SMARCA2: variants seen among roughly 807,000 people sequenced by gnomAD.
The protein encoded by SMARCA2 is SWI/SNF related BAF chromatin remodeling complex subunit ATPase 2.
In SMARCA2, 61 loss-of-function variants were observed where a neutral mutation model predicts 199.8. The ratio of observed to expected loss-of-function variants is 0.31; its 90% CI spans 0.25 to 0.38. The LOEUF (loss-of-function observed/expected upper bound fraction) is 0.38. SMARCA2 is among the 10% of genes least tolerant of loss of function. The pLI, the probability that SMARCA2 is intolerant of heterozygous loss-of-function variation, is 1.00. For missense variants in SMARCA2, 1,344 were observed against 2,012.2 expected (o/e 0.67, Z 6.35); for synonymous variants, 935 against 732.0 (o/e 1.28, Z -4.48).
chr9:2,111,635 G>A (rs1384265802), intron 24 of SMARCA2, among the ~76,000 whole-genome samples: 2 of 152,132 alleles, frequency 1.3e-5, no homozygotes, highest in Non-Finnish European at 2.9e-5. Context: ...TGCGAAGACT[G>A]AGTGGCAGTG....
In SMARCA2 at chr9:2,186,055, C is replaced by G. The variant is rs199499698; in HGVS notation, c.4462-41C>G. ...AAGGAAGAGTTCACTGCCATGGTAA[C>G]TCAGCTTGCAGTTTTAACAGATGCC... On this transcript the variant is annotated intron_variant, in intron 31 of 33. Transcript: ENST00000349721. The G allele has an allele frequency of 5.6e-6, 9 of 1,599,888 alleles. No individual in the cohort carries two copies. The East Asian group carries it at 1.3e-4, about 24-fold the overall frequency.
chr9:2,149,782 G>T (rs922799220), intron 27 of SMARCA2, among the ~76,000 whole-genome samples: 1 of 151,480 alleles, frequency 6.6e-6, no homozygotes, highest in African/African-American at 2.4e-5. Flanking sequence ...AAGTTTATTG[G>T]ATAGCAAATT....
intron 9 of SMARCA2, among the ~76,000 whole-genome samples, chr9:2,065,596 G>T (rs1820804595): frequency 6.6e-6 from 1 of 152,174 alleles, no homozygotes; most frequent in African/African-American, 2.4e-5. Flanking sequence ...CAGAATGTCA[G>T]AATAGCCTGC....
rs187888767 is a variant in SMARCA2, at chr9:2,127,741, C to T, written c.3981+3804C>T. Among the ~76,000 whole-genome samples the T allele has an allele frequency of 2.5e-3, 380 of 152,318 alleles. 2 individuals carry two copies. The highest frequency in any genetic ancestry group is 5.2e-3 in the Admixed American group (79 of 15,304). On this transcript the variant is annotated intron_variant, in intron 27 of 33. Coordinates refer to ENST00000349721, the MANE Select transcript of SMARCA2 (RefSeq NM_003070.5). ...AAAATTTTGGTGAATATTTAGCCAT[C>T]CCTGCCTCAGCACACTTAGGTTAAA...
Position 2,104,006 on chromosome 9 carries a change from T to A in SMARCA2, c.3129T>A (p.Ala1043=). The change falls in exon 23 of 34, where the codon GCT becomes GCA. Residue 1043 remains alanine (A), a synonymous_variant. Coordinates refer to ENST00000349721, the MANE Select transcript of SMARCA2 (RefSeq NM_003070.5). This position sits in a 1 kb window ranked among gnomAD's most constrained non-coding sequence, Gnocchi z 4.0. The stretch of plus-strand genomic sequence containing the variant: ...TTTTGCATTTTTTTGGGTTCAGGGC[T>A]GAACTGTATCGGGCCTCAGGGAAGT... The part of the protein sequence containing the change: ...LGYSNGVING[A]ELYRASGKFE... The A allele has an allele frequency of 6.2e-7, 1 of 1,614,022 alleles. No individual in the cohort carries two copies. Among genetic ancestry groups the A allele is most frequent in the Non-Finnish European group, 8.5e-7 (1 of 1,179,924 alleles).
In SMARCA2 at chr9:2,170,483, G is replaced by C; in HGVS notation, c.4253+11G>C. The C allele has an allele frequency of 1.2e-6, 2 of 1,614,054 alleles. No homozygotes were observed. The highest frequency in any genetic ancestry group is 1.7e-6 in the Non-Finnish European group (2 of 1,179,958). On this transcript the variant is annotated intron_variant, in intron 29 of 33. Transcript: ENST00000349721. The surrounding 1 kb of genome is among the most constrained non-coding windows in gnomAD (Gnocchi z 4.7). Reference sequence around the variant, plus strand: ...AATAGAAGGAAACAGGTCAGGATCTGTCTTGTATTCCCCTATCTCTAAATA... The same window carrying C: ...AATAGAAGGAAACAGGTCAGGATCTCTCTTGTATTCCCCTATCTCTAAATA...
At chr9:2,175,539 C>T (rs1046653879) in intron 29 of SMARCA2, among the ~76,000 whole-genome samples, 1 of 152,124 alleles carries the variant, frequency 6.6e-6, no homozygotes, top group East Asian at 1.9e-4. Context: ...GTTGGTAAAA[C>T]GTGCTGCTTA....
At chr9:2,178,850 C>T (rs1563832570) in intron 29 of SMARCA2, among the ~76,000 whole-genome samples, 1 of 152,096 alleles carries the variant, frequency 6.6e-6, no homozygotes, top group Non-Finnish European at 1.5e-5. Flanking sequence ...CTTTGTCTGC[C>T]GAAGCTGGCC....
intron 27 of SMARCA2, among the ~76,000 whole-genome samples, chr9:2,131,716 C>G (rs1823962262): frequency 6.6e-6 from 1 of 152,108 alleles, no homozygotes; most frequent in East Asian, 1.9e-4. Context: ...TGCGGTGGCT[C>G]ACGCCTGTAA....
intron 29 of SMARCA2, among the ~76,000 whole-genome samples, chr9:2,179,334 A>G (rs976549919): frequency 6.6e-6 from 1 of 152,236 alleles, no homozygotes; most frequent in Non-Finnish European, 1.5e-5. Context: ...GAAGTCTTCC[A>G]TAGATAACTT....
intron 19 of SMARCA2, 35 bp from the exon 20 acceptor site, chr9:2,096,622 C>G: frequency 7.1e-7 from 1 of 1,401,150 alleles, no homozygotes. Flanking sequence ...CTTCTCCTTC[C>G]TGCTCTTGCC....
rs1048715705 is a variant in SMARCA2, at chr9:2,056,500, A to C, written c.1174-172A>C. Among the ~76,000 whole-genome samples, 28 of 152,328 alleles carry C rather than the reference A, an allele frequency of 1.8e-4. No homozygotes were observed. The highest frequency in any genetic ancestry group is 6.5e-4 in the African/African-American group (27 of 41,564). On this transcript the variant is annotated intron_variant, in intron 6 of 33. Coordinates refer to ENST00000349721, the MANE Select transcript of SMARCA2 (RefSeq NM_003070.5). This position sits in a 1 kb window ranked among gnomAD's most constrained non-coding sequence, Gnocchi z 4.0. Reference sequence around the variant, plus strand: ...CTTGTACCGTTCTTGAAAATATTGCATACATTTGGCATGATTTTAGTTCCT... The same window carrying C: ...CTTGTACCGTTCTTGAAAATATTGCCTACATTTGGCATGATTTTAGTTCCT...
chr9:2,022,586 G>A (rs1294497407), intron 1 of SMARCA2, among the ~76,000 whole-genome samples: 1 of 152,130 alleles, frequency 6.6e-6, no homozygotes, highest in Non-Finnish European at 1.5e-5. Flanking sequence ...AGCATATGAT[G>A]GTTGAGTTTT....
intron 9 of SMARCA2, 142 bp downstream of exon 9, chr9:2,061,128 A>G (rs2130364927): frequency 1.3e-6 from 1 of 775,310 alleles, no homozygotes; most frequent in Non-Finnish European, 2.0e-6. Flanking sequence ...ATAAATGGGT[A>G]TGGCATGGAA....
chr9:2,126,994 G>T (rs1823725122), intron 27 of SMARCA2, among the ~76,000 whole-genome samples: 1 of 152,130 alleles, frequency 6.6e-6, no homozygotes, highest in Admixed American at 6.5e-5. Flanking sequence ...TAGTATCACA[G>T]CCCCATGGAT....
At chr9:2,121,124 T>C (rs2376310) in intron 26 of SMARCA2, among the ~76,000 whole-genome samples, 507 of 152,170 alleles carry the variant, frequency 3.3e-3, no homozygotes, top group Middle Eastern at 6.8e-3. Flanking sequence ...TTATACAAAT[T>C]AGATTAGGCC....
rs1827420850 is a variant in SMARCA2, at chr9:2,185,991, T to TCTACTAAAATTC, written c.4462-104_4462-93dup. On this transcript the variant is annotated intron_variant, in intron 31 of 33. Transcript: ENST00000349721. ...GGGCATAAAAGCTAACGGTGACATT[T>TCTACTAAAATTC]CTACTAAAATTCATGTGAATTAAGC... is the stretch of plus-strand genomic sequence containing the variant. The TCTACTAAAATTC allele has an allele frequency of 1.8e-5, 21 of 1,138,114 alleles. No homozygotes were observed. In the South Asian group the frequency reaches 3.3e-4, roughly 18 times the overall value. 70.5% of individuals were successfully genotyped at this position (1,138,114 alleles called of 1,614,324 possible). A position where few individuals can be genotyped will look rare whatever the true frequency, so the allele number is the denominator to read the frequency against.
intron 33 of SMARCA2, chr9:2,191,631 A>G: frequency 2.5e-6 from 1 of 407,378 alleles, no homozygotes; most frequent in East Asian, 4.1e-5. Context: ...TCAAAAATGA[A>G]AAACTACCAA....
intron 22 of SMARCA2, among the ~76,000 whole-genome samples, chr9:2,102,678 A>G (rs2130550156): frequency 6.6e-6 from 1 of 152,218 alleles, no homozygotes; most frequent in East Asian, 1.9e-4. Flanking sequence ...TCTGCATCTC[A>G]TACTCCCAAC....
Sources: allele counts gnomAD v4.1 joint callset (sites outside exome capture counted in the v4.1 genomes callset), GRCh38; gene constraint gnomAD v4.1.1; non-coding constraint Gnocchi (gnomAD v3.1); transcripts MANE v1.5; gene names NCBI Gene and HGNC (gene_info 2026-07-23, HGNC 2026-07-21).